The following GSE1 variants were observed in gnomAD, a reference collection of about 807,000 sequenced individuals.
GSE1 encodes genetic suppressor element 1.
A neutral mutation model predicts 112.6 loss-of-function variants in GSE1; 32 were observed. The ratio of observed to expected loss-of-function variants is 0.28; its 90% CI spans 0.21 to 0.38. The LOEUF is 0.38. Ranked by LOEUF, GSE1 falls within the 10% of genes least tolerant of loss-of-function variation. The pLI, the probability that GSE1 is intolerant of heterozygous loss-of-function variation, is 1.00. For synonymous variants in GSE1, 1,115 were observed against 735.6 expected (o/e 1.52, Z -8.35); for missense variants, 2,348 against 1,699.2 (o/e 1.38, Z -6.71).
chr16:85,612,815 TC>T (rs1267212645), upstream of GSE1, among the ~76,000 whole-genome samples: 2 of 152,212 alleles, frequency 1.3e-5, no homozygotes, highest in African/African-American at 4.8e-5. Flanking sequence ...GAGTTACCCG[TC>T]CGCCCATTAT....
intron 2 of GSE1, among the ~76,000 whole-genome samples, chr16:85,401,606 C>T (rs2048117509): frequency 6.6e-6 from 1 of 152,132 alleles, no homozygotes; most frequent in South Asian, 2.1e-4. Context: ...CAGGTGAGGG[C>T]CAACACTCTG....
At chr16:85,503,162 G>A (rs965493426) in intron 2 of GSE1, among the ~76,000 whole-genome samples, 1 of 152,238 alleles carries the variant, frequency 6.6e-6, no homozygotes, top group Non-Finnish European at 1.5e-5. Context: ...ACAGCAGGAG[G>A]CCAGAGTGGG....
chr16:85,512,755 GC>G (rs1165951282), intron 2 of GSE1, among the ~76,000 whole-genome samples: 1 of 152,120 alleles, frequency 6.6e-6, no homozygotes, highest in African/African-American at 2.4e-5. Context: ...AGCGGTGGGG[GC>G]TGATTAGCCA....
At chr16:85,204,122 C>G (rs779715036) in intron 1 of GSE1, among the ~76,000 whole-genome samples, 5 of 152,222 alleles carry the variant, frequency 3.3e-5, no homozygotes, top group Admixed American at 1.3e-4. Flanking sequence ...TAAGCTGTCA[C>G]TCCCCATTCC....
Position 85,357,560 on chromosome 16 carries a change from GC to G in GSE1, c.2385del (p.Arg796GlyfsTer6). 7.8e-7 allele frequency: 1 copy of G among 1,288,132 alleles called. No homozygotes were observed. Among genetic ancestry groups the G allele is most frequent in the Admixed American group, 2.3e-5 (1 of 43,480 alleles). The allele number at this position is 1,288,132 out of a possible 1,614,324, so 79.8% of individuals were successfully genotyped here. A position where few individuals can be genotyped will look rare whatever the true frequency, so the allele number is the denominator to read the frequency against. ...GCCCCCACGGAGACCCTGCCCAGAG[GC>G]CCCAGGATGGCCCAGGAGCTGAGGC... On this transcript the variant is annotated frameshift_variant, in exon 2 of 3. Coordinates refer to the GSE1 transcript ENST00000637419. LOFTEE classifies it high-confidence loss of function.
At chr16:85,624,558 G>A (rs780097373) in intron 1 of GSE1, among the ~76,000 whole-genome samples, 8 of 152,214 alleles carry the variant, frequency 5.3e-5, no homozygotes, top group African/African-American at 9.6e-5. Context: ...CCCAAGTGAC[G>A]CCAGCCATTT....
intron 2 of GSE1, among the ~76,000 whole-genome samples, chr16:85,488,206 A>G (rs2050903380): frequency 6.6e-6 from 1 of 152,026 alleles, no homozygotes; most frequent in Non-Finnish European, 1.5e-5. Flanking sequence ...CTGCTGCCTC[A>G]TCTTCTTCTT....
intron 1 of GSE1, among the ~76,000 whole-genome samples, chr16:85,198,589 G>A (rs1324518373): frequency 1.3e-5 from 2 of 152,112 alleles, no homozygotes; most frequent in Admixed American, 6.5e-5. Flanking sequence ...AGAGTCTGGG[G>A]CTGGGGAGGG....
intron 14 of GSE1, among the ~76,000 whole-genome samples, chr16:85,670,318 G>A (rs1010389153): frequency 6.6e-6 from 1 of 152,136 alleles, no homozygotes; most frequent in South Asian, 2.1e-4. Flanking sequence ...CCTTGTCTGT[G>A]AAACTTTAAA....
chr16:85,663,510 C>T lies in GSE1; in HGVS notation c.2540C>T (p.Thr847Ile). Reference sequence around the variant, plus strand: ...CCTTCACCGAGACTGGCGCTGTCTACCCGCTACAGCCCTGATGAGATGAAC... The same window carrying T: ...CCTTCACCGAGACTGGCGCTGTCTATCCGCTACAGCCCTGATGAGATGAAC... ...QTPSPRLALS[T>I]RYSPDEMNNS... Residue 847 changes from threonine to isoleucine, a missense_variant, in exon 11 of 16, where the codon ACC becomes ATC. Thr to Ile is a moderately conservative substitution (Grantham distance 89). Transcript: ENST00000253458. 6.2e-7 allele frequency: 1 copy of T among 1,613,878 alleles called. No homozygotes were observed. Among genetic ancestry groups the T allele is most frequent in the Non-Finnish European group, 8.5e-7 (1 of 1,179,988 alleles).
intron 2 of GSE1, among the ~76,000 whole-genome samples, chr16:85,533,319 C>T (rs2044196923): frequency 6.6e-6 from 1 of 151,736 alleles, no homozygotes; most frequent in South Asian, 2.1e-4. Flanking sequence ...ACTCAGGAGG[C>T]TGAGGCAGGA....
At chr16:85,588,414 GTGTGGGAACGGCT>G (rs2046810030) in intron 1 of GSE1, among the ~76,000 whole-genome samples, 1 of 152,214 alleles carries the variant, frequency 6.6e-6, no homozygotes, top group Admixed American at 6.5e-5. Context: ...CTAATTACCA[GTGTGGGAACGGCT>G]TTATGATCCT....
chr16:85,324,304 G>A (rs2151504368), intron 1 of GSE1, among the ~76,000 whole-genome samples: 1 of 152,330 alleles, frequency 6.6e-6, no homozygotes, highest in East Asian at 1.9e-4. Context: ...GGGGTCAGGA[G>A]TTTGAGACCA....
chr16:85,613,297 C>G, upstream of GSE1: 1 of 1,540,516 alleles, frequency 6.5e-7, no homozygotes, highest in East Asian at 2.6e-5. Flanking sequence ...GCTGCCGCCG[C>G]CGAGCAGCCC....
chr16:85,239,614 A>G (rs979491591), intron 1 of GSE1, among the ~76,000 whole-genome samples: 2 of 152,188 alleles, frequency 1.3e-5, no homozygotes, highest in African/African-American at 2.4e-5. Context: ...GCAGGAGATG[A>G]GGCTGGGAGA....
At chr16:85,667,492 G>A (rs1350483771) in intron 13 of GSE1, among the ~76,000 whole-genome samples, 3 of 152,218 alleles carry the variant, frequency 2.0e-5, no homozygotes, top group African/African-American at 4.8e-5. Context: ...TTATGCCTAG[G>A]GATCAAAACA....
intron 2 of GSE1, among the ~76,000 whole-genome samples, chr16:85,489,426 C>G (rs2050941050): frequency 3.3e-5 from 5 of 152,144 alleles, no homozygotes; most frequent in Admixed American, 3.3e-4. Context: ...CCATCTGCCT[C>G]TGCAGTTCTC....
chr16:85,632,791 A>G (rs1380564145), intron 1 of GSE1, among the ~76,000 whole-genome samples: 1 of 151,998 alleles, frequency 6.6e-6, no homozygotes, highest in Non-Finnish European at 1.5e-5. Context: ...CCGCCCCAAG[A>G]TGCATCCACA....
At chr16:85,200,746 G>A (rs1247260998) in intron 1 of GSE1, among the ~76,000 whole-genome samples, 2 of 152,176 alleles carry the variant, frequency 1.3e-5, no homozygotes, top group Non-Finnish European at 2.9e-5. Context: ...CTAAGATGAC[G>A]GGAAATGGAC....
Sources: allele counts gnomAD v4.1 joint callset (sites outside exome capture counted in the v4.1 genomes callset), GRCh38; gene constraint gnomAD v4.1.1; transcripts MANE v1.5; gene names NCBI Gene and HGNC (gene_info 2026-07-23, HGNC 2026-07-21).